Variants in TTC7A observed in about 807,000 individuals in gnomAD.
TTC7A encodes the protein tetratricopeptide repeat domain 7A, also known as tetratricopeptide repeat protein 7A.
TTC7A carries 110 observed loss-of-function variants against 103.7 expected under a neutral mutation model. That is an observed-to-expected ratio of 1.06 (90% CI 0.91 to 1.24). The LOEUF is 1.24. Ranked by LOEUF, TTC7A falls within the 50% of genes most tolerant of loss-of-function variation. TTC7A has a pLI of 0.00. For synonymous variants in TTC7A, 521 were observed against 467.9 expected, an observed-to-expected ratio of 1.11 and a Z score of -1.47; for missense variants, 1,340 against 1,116.3, an observed-to-expected ratio of 1.20 and a Z score of -2.86.
chr2:47,072,154 A>C (rs1182300709), intron 19 of TTC7A, among the ~76,000 whole-genome samples: 1 of 152,148 alleles, frequency 6.6e-6, no homozygotes, highest in African/African-American at 2.4e-5. Flanking sequence ...CAGCCTGGCC[A>C]CTACCCTTGG....
chr2:46,969,691 A>C (rs1432380044), intron 3 of TTC7A, among the ~76,000 whole-genome samples: 5 of 152,080 alleles, frequency 3.3e-5, no homozygotes, highest in African/African-American at 9.7e-5. Context: ...GATTACAGGC[A>C]TGAGCCAGCG....
At chr2:46,982,031 G>A (rs1409304183) in intron 5 of TTC7A, among the ~76,000 whole-genome samples, 1 of 152,214 alleles carries the variant, frequency 6.6e-6, no homozygotes, top group Non-Finnish European at 1.5e-5. Context: ...TGCCCTTGCG[G>A]TTGTGGGGAC....
At chr2:46,927,468 C>T (rs1351787604) in intron 2 of TTC7A, among the ~76,000 whole-genome samples, 1 of 151,492 alleles carries the variant, frequency 6.6e-6, no homozygotes, top group Non-Finnish European at 1.5e-5. Context: ...ACCATTCTCC[C>T]ACCTCAACCT....
In TTC7A at chr2:46,944,374, G is replaced by T. The variant is rs1257736130; in HGVS notation, c.184+2649G>T. 2.8e-4 allele frequency among the ~76,000 whole-genome samples: 25 copies of T among 88,956 alleles called. No individual in the cohort carries two copies. In the East Asian group the frequency reaches 3.1e-3, roughly 11 times the overall value. The allele number at this position is 88,956 out of a possible 152,430, so 58.4% of individuals were successfully genotyped here. ...TTAAATAAGAACTCTGGTATTTTGG[G>T]TTTTTTTTTTTTTTTTTTTTTTTGA... On this transcript the variant is annotated intron_variant, in intron 1 of 19. Coordinates refer to ENST00000319190, the MANE Select transcript of TTC7A (RefSeq NM_020458.4).
chr2:46,968,865 C>T (rs1316023157), intron 3 of TTC7A, among the ~76,000 whole-genome samples: 1 of 151,978 alleles, frequency 6.6e-6, no homozygotes, highest in Non-Finnish European at 1.5e-5. Flanking sequence ...ATTTCTATCA[C>T]CACAGAAAGT....
At chr2:47,065,493 C>T (rs1684111183) in intron 19 of TTC7A, among the ~76,000 whole-genome samples, 2 of 152,204 alleles carry the variant, frequency 1.3e-5, no homozygotes, top group South Asian at 4.1e-4. Flanking sequence ...TTTGTGCCAT[C>T]TCCAGGCTGA....
intron 3 of TTC7A, among the ~76,000 whole-genome samples, chr2:46,959,325 A>T (rs1352642071): frequency 6.6e-6 from 1 of 152,092 alleles, no homozygotes; most frequent in South Asian, 2.1e-4. Flanking sequence ...AGCCTGACTG[A>T]CCCACACTCA....
At chr2:46,963,877 C>T (rs1291546487) in intron 3 of TTC7A, among the ~76,000 whole-genome samples, 1 of 152,178 alleles carries the variant, frequency 6.6e-6, no homozygotes, top group Non-Finnish European at 1.5e-5. Context: ...CATGCCCACC[C>T]TGGAGCCAAT....
At chr2:46,917,275 G>T (rs1424985598) in exon 2 of TTC7A, 3 of 679,964 alleles carry the variant, frequency 4.4e-6, no homozygotes, top group Non-Finnish European at 7.9e-6. Context: ...TGGGATTACA[G>T]GGGTGAGCCA....
At chr2:47,073,272 C>CA (rs1274590792) in intron 19 of TTC7A, among the ~76,000 whole-genome samples, 1 of 152,198 alleles carries the variant, frequency 6.6e-6, no homozygotes, top group African/African-American at 2.4e-5. Flanking sequence ...ACACTCCTGC[C>CA]AGACACTTCT....
intron 11 of TTC7A, 40 bp downstream of exon 11, chr2:47,011,475 G>A (rs749366135): frequency 2.6e-6 from 4 of 1,518,440 alleles, no homozygotes; most frequent in African/African-American, 2.7e-5. Context: ...GGCCTCCTGT[G>A]GGGAGGGTGG....
chr2:47,024,170 A>AT (rs1219360161), intron 13 of TTC7A, 117 bp from the exon 14 acceptor site: 51 of 866,960 alleles, frequency 5.9e-5, no homozygotes, highest in Non-Finnish European at 8.6e-5. Flanking sequence ...GCCTGGCAGA[A>AT]TCCCCCAGGG....
chr2:46,942,405 A>G (rs576761897), intron 1 of TTC7A, among the ~76,000 whole-genome samples: 270 of 151,804 alleles, frequency 1.8e-3, no homozygotes, highest in African/African-American at 5.5e-3. Context: ...CCTTCAGCTT[A>G]CCCTCCCTGA....
intron 1 of TTC7A, among the ~76,000 whole-genome samples, chr2:46,943,577 G>T (rs1335767040): frequency 2.0e-5 from 3 of 151,760 alleles, no homozygotes; most frequent in African/African-American, 7.3e-5. Context: ...CAAACACGAG[G>T]AACAAAAAAA....
chr2:47,040,973 AAT>A (rs1681676675), intron 15 of TTC7A, among the ~76,000 whole-genome samples: 1 of 152,100 alleles, frequency 6.6e-6, no homozygotes, highest in African/African-American at 2.4e-5. Context: ...GGAGGGCATA[AAT>A]GTTGAAAGCT....
At chr2:47,017,029 T>C (rs1289147093) in intron 11 of TTC7A, among the ~76,000 whole-genome samples, 1 of 151,684 alleles carries the variant, frequency 6.6e-6, no homozygotes, top group Non-Finnish European at 1.5e-5. Context: ...TGAAACCCCA[T>C]CTCTACTAAA....
In TTC7A at chr2:46,979,012, G is replaced by A. The variant is rs1674160506; in HGVS notation, c.764+105G>A. 1.4e-5 allele frequency: 10 copies of A among 723,586 alleles called. 1 individual carries two copies. In the East Asian group the frequency reaches 2.8e-4, roughly 20 times the overall value. The allele number at this position is 723,586 out of a possible 1,614,324, so 44.8% of individuals were successfully genotyped here. A position where few individuals can be genotyped will look rare whatever the true frequency, so the allele number is the denominator to read the frequency against. ...CCTCTTCTCTGGCCTGTGCATACGT[G>A]CTCTTCCAAGAGGATTGGTGGGAAC... On this transcript the variant is annotated intron_variant, in intron 5 of 19. Coordinates refer to ENST00000319190, the MANE Select transcript of TTC7A (RefSeq NM_020458.4).
At chr2:47,003,513 G>C (rs1457388656) in intron 8 of TTC7A, among the ~76,000 whole-genome samples, 3 of 152,156 alleles carry the variant, frequency 2.0e-5, no homozygotes, top group Non-Finnish European at 4.4e-5. Flanking sequence ...GGCTGCCCCA[G>C]AAAGGAGTTT....
intron 15 of TTC7A, among the ~76,000 whole-genome samples, chr2:47,044,882 G>A (rs1028262974): frequency 3.3e-5 from 5 of 152,212 alleles, no homozygotes; most frequent in Admixed American, 3.3e-4. Context: ...ATGAAGCTGG[G>A]AGCCCAGGTC....
Sources: gnomAD v4.1 joint callset for allele counts (sites outside exome capture counted in the v4.1 genomes callset) on GRCh38, gnomAD v4.1.1 for gene constraint, MANE v1.5 for transcripts, NCBI Gene and HGNC (gene_info 2026-07-23, HGNC 2026-07-21) for gene names.